The following GNG2 variants were observed in gnomAD, a reference collection of about 807,000 sequenced individuals.
The protein encoded by GNG2 is guanine nucleotide-binding protein G(I)/G(S)/G(O) subunit gamma-2.
In GNG2, 5 loss-of-function variants were observed where a neutral mutation model predicts 5.5. The observed-to-expected ratio is 0.91, with a 90% CI of 0.48 to 1.92. The LOEUF (loss-of-function observed/expected upper bound fraction) is 1.92. GNG2 is among the 30% of genes most tolerant of loss of function. GNG2 has a pLI of 0.01. For missense variants in GNG2, 55 were observed against 88.4 expected (o/e 0.62, Z 1.52); for synonymous variants, 28 against 32.0 (o/e 0.88, Z 0.42).
Position 51,873,886 on chromosome 14 carries a change from G to T in GNG2, c.-70-3731G>T, listed in dbSNP as rs986608503. 2.6e-5 allele frequency: 4 copies of T among 152,294 alleles called. No homozygotes were observed. The East Asian group carries it at 7.7e-4, about 29-fold the overall frequency. The allele number at this position is 152,294 out of a possible 1,614,324, so 9.4% of individuals were successfully genotyped here. ...TTTCTCTGTTTTATGGACTAGGTAC[G>T]ACTCCTTTATCTTGGACAGTCATCT... On this transcript the variant is annotated intron_variant, in intron 1 of 3. Transcript: ENST00000556766.
At chr14:51,961,819 T>C (rs1373903478) in intron 3 of GNG2, among the ~76,000 whole-genome samples, 1 of 152,128 alleles carries the variant, frequency 6.6e-6, no homozygotes, top group East Asian at 1.9e-4. Flanking sequence ...AGGAGATATT[T>C]GAGAGGGAAG....
chr14:51,892,318 TA>T (rs767889891), intron 2 of GNG2, among the ~76,000 whole-genome samples: 58 of 151,542 alleles, frequency 3.8e-4, no homozygotes, highest in East Asian at 7.7e-4. Flanking sequence ...TATTTTATTT[TA>T]TTTTTTTTTT....
intron 2 of GNG2, among the ~76,000 whole-genome samples, chr14:51,911,525 T>C (rs1462797959): frequency 6.6e-6 from 1 of 151,562 alleles, no homozygotes; most frequent in Non-Finnish European, 1.5e-5. Flanking sequence ...TCCTCATCTG[T>C]GGAATGAGAA....
intron 2 of GNG2, among the ~76,000 whole-genome samples, chr14:51,883,871 TC>T (rs1566663229): frequency 1.3e-5 from 2 of 152,130 alleles, no homozygotes; most frequent in Admixed American, 6.5e-5. Flanking sequence ...TGGTATATGA[TC>T]CTTTTTTGTG....
At chr14:51,865,715 A>T (rs1284178828) in intron 1 of GNG2, among the ~76,000 whole-genome samples, 1 of 152,224 alleles carries the variant, frequency 6.6e-6, no homozygotes, top group African/African-American at 2.4e-5. Flanking sequence ...TTTTGTTTAA[A>T]AAAAAAGAGT....
intron 2 of GNG2, among the ~76,000 whole-genome samples, chr14:51,905,472 C>G (rs1216822048): frequency 6.6e-6 from 1 of 152,084 alleles, no homozygotes; most frequent in Non-Finnish European, 1.5e-5. Context: ...CATGGTTTGG[C>G]TGAGCTTTTC....
intron 2 of GNG2, among the ~76,000 whole-genome samples, chr14:51,945,236 C>T (rs1888575505): frequency 6.6e-6 from 1 of 152,076 alleles, no homozygotes; most frequent in Non-Finnish European, 1.5e-5. Flanking sequence ...GATGTTTGGA[C>T]TACCTTATTC....
chr14:51,844,680 G>A (rs1036632367), intron 2 of GNG2, among the ~76,000 whole-genome samples: 2 of 152,092 alleles, frequency 1.3e-5, no homozygotes, highest in Non-Finnish European at 2.9e-5. Flanking sequence ...ACTCCCAGCT[G>A]GAGGCACCAC....
intron 2 of GNG2, among the ~76,000 whole-genome samples, chr14:51,891,917 C>A (rs1206596187): frequency 2.0e-5 from 3 of 152,168 alleles, no homozygotes; most frequent in African/African-American, 7.2e-5. Flanking sequence ...GGTTCACATT[C>A]AGGAGTTTTT....
At position 51,966,747 on chromosome 14, in the gene GNG2, G is replaced by C. The variant is rs758997739; in HGVS notation, c.*60G>C. On this transcript the variant is annotated 3_prime_UTR_variant, in exon 4 of 4. Transcript: ENST00000556766. ...CTGGGACATTGATGTAGAGTTTTTA[G>C]TGAAGTGGGCACCTTTCTAGTCCAC... 6.8e-7 allele frequency: 1 copy of C among 1,464,346 alleles called. No individual in the cohort carries two copies. Among genetic ancestry groups the C allele is most frequent in the Non-Finnish European group, 9.6e-7 (1 of 1,044,964 alleles). The allele number at this position is 1,464,346 out of a possible 1,614,324, so 90.7% of individuals were successfully genotyped here.
At chr14:51,942,645 A>T (rs1888412150) in intron 2 of GNG2, among the ~76,000 whole-genome samples, 1 of 96,794 alleles carries the variant, frequency 1.0e-5, no homozygotes. Context: ...GCTGGATTCA[A>T]ACTCCTGGAC....
intron 3 of GNG2, among the ~76,000 whole-genome samples, chr14:51,963,715 G>A (rs1889742773): frequency 6.6e-6 from 1 of 152,160 alleles, no homozygotes; most frequent in African/African-American, 2.4e-5. Context: ...TTTTTCTGCT[G>A]TGTGCTTTGC....
intron 2 of GNG2, among the ~76,000 whole-genome samples, chr14:51,896,843 A>G (rs1376987139): frequency 6.6e-6 from 1 of 152,232 alleles, no homozygotes; most frequent in Admixed American, 6.5e-5. Context: ...AAAAAGTCAT[A>G]CACTAGAATA....
At chr14:51,945,133 C>CAAAAAA (rs138395214) in intron 2 of GNG2, among the ~76,000 whole-genome samples, 2,216 of 150,270 alleles carry the variant, frequency 0.015, 14 homozygotes, top group Non-Finnish European at 0.023. Context: ...AACAAACAAA[C>CAAAAAA]AAAAAAAACG....
intron 2 of GNG2, among the ~76,000 whole-genome samples, chr14:51,888,676 T>C (rs1437416940): frequency 6.6e-6 from 1 of 152,204 alleles, no homozygotes; most frequent in Non-Finnish European, 1.5e-5. Context: ...TCCATTAACA[T>C]CCTCCAGGAG....
At chr14:51,942,603 T>TCTTTC (rs1888406822) in intron 2 of GNG2, among the ~76,000 whole-genome samples, 1 of 138,256 alleles carries the variant, frequency 7.2e-6, no homozygotes, top group African/African-American at 2.8e-5. Context: ...TTTTTTTTTT[T>TCTTTC]TTTAGAGACA....
intron 2 of GNG2, among the ~76,000 whole-genome samples, chr14:51,836,851 T>A (rs2790504): frequency 0.33 from 46,351 of 139,086 alleles, 8,849 homozygotes; most frequent in South Asian, 0.42. Context: ...TTTAAGTGAC[T>A]TCATCTTTTT....
At chr14:51,869,434 A>T (rs1409395051) in intron 1 of GNG2, among the ~76,000 whole-genome samples, 5 of 152,216 alleles carry the variant, frequency 3.3e-5, no homozygotes, top group African/African-American at 1.2e-4. Flanking sequence ...CACTGTGTGG[A>T]CATGGCGTCT....
chr14:51,884,412 A>G (rs1482149169), intron 2 of GNG2, among the ~76,000 whole-genome samples: 1 of 152,186 alleles, frequency 6.6e-6, no homozygotes, highest in Non-Finnish European at 1.5e-5. Flanking sequence ...ATCTCCCTTT[A>G]TCCTTTAGAT....
Sources: gnomAD v4.1 joint callset for allele counts (sites outside exome capture counted in the v4.1 genomes callset) on GRCh38, gnomAD v4.1.1 for gene constraint, MANE v1.5 for transcripts, NCBI Gene and HGNC (gene_info 2026-07-23, HGNC 2026-07-21) for gene names.